Variants in PIP5K1C observed in about 807,000 individuals in gnomAD.
The protein encoded by PIP5K1C is phosphatidylinositol 4-phosphate 5-kinase type-1 gamma.
In PIP5K1C, 45 loss-of-function variants were observed where a neutral mutation model predicts 80.1. That is an observed-to-expected ratio of 0.56 (90% CI 0.44 to 0.72). The LOEUF is 0.72. PIP5K1C is among the 30% of genes least tolerant of loss of function. The pLI is 0.00. For synonymous variants in PIP5K1C, 498 were observed against 420.1 expected (o/e 1.19, Z -2.27); for missense variants, 753 against 954.6 (o/e 0.79, Z 2.78).
chr19:3,664,369 T>C (rs905716930), intron 3 of PIP5K1C, among the ~76,000 whole-genome samples: 1 of 152,054 alleles, frequency 6.6e-6, no homozygotes, highest in Admixed American at 6.6e-5. Flanking sequence ...ATGAATCACA[T>C]CTCAGTAAAA....
At chr19:3,662,070 C>CG (rs2034852262) in intron 3 of PIP5K1C, 69 bp from the exon 4 acceptor site, 3 of 1,512,878 alleles carry the variant, frequency 2.0e-6, no homozygotes, top group Middle Eastern at 2.1e-4. Flanking sequence ...CTGTGTGCAC[C>CG]GGGGGGTGGA....
intron 8 of PIP5K1C, 32 bp downstream of exon 8, chr19:3,651,793 CG>C (rs770922542): frequency 2.5e-6 from 4 of 1,594,500 alleles, no homozygotes; most frequent in Admixed American, 3.3e-5. Context: ...GGAAGGGAAG[CG>C]GGACGGGTCC....
In PIP5K1C at chr19:3,656,402, C is replaced by A. The variant is rs374079143; in HGVS notation, c.621+3G>T. The A allele has an allele frequency of 2.5e-6, 4 of 1,613,126 alleles. No individual in the cohort carries two copies. In the African/African-American group the frequency reaches 5.3e-5, roughly 22 times the overall value. On this transcript the variant is annotated splice_donor_region_variant and intron_variant, in intron 6 of 17. Coordinates refer to ENST00000335312, the MANE Select transcript of PIP5K1C (RefSeq NM_012398.3). ...CATCTGCCCCGCAGGGCGGGCCACGCACCATGTAGTAGCCAGGGAGCAGCT... is the reference window on the plus strand; with the variant it reads ...CATCTGCCCCGCAGGGCGGGCCACGAACCATGTAGTAGCCAGGGAGCAGCT...
chr19:3,632,810 G>A lies in PIP5K1C; in HGVS notation c.*357C>T, dbSNP rs528240696. ...CAGGCAGGCACAGCAGAGAACCAAA[G>A]AGTGCAGTGGGCAGGGGCTCTTCTC... On this transcript the variant is annotated 3_prime_UTR_variant, in exon 18 of 18. Coordinates refer to ENST00000335312, the MANE Select transcript of PIP5K1C (RefSeq NM_012398.3). 4.0e-4 allele frequency: 111 copies of A among 277,684 alleles called. 1 individual carries two copies. Among genetic ancestry groups the A allele is most frequent in the South Asian group, 2.3e-3 (32 of 13,696 alleles). The allele number at this position is 277,684 out of a possible 1,614,324, so 17.2% of individuals were successfully genotyped here.
chr19:3,671,364 T>G (rs994436142), intron 1 of PIP5K1C, among the ~76,000 whole-genome samples: 1 of 152,254 alleles, frequency 6.6e-6, no homozygotes, highest in African/African-American at 2.4e-5. Flanking sequence ...CCAGCTCTGC[T>G]GACCTCACCA....
Position 3,638,697 on chromosome 19 carries a change from C to A in PIP5K1C, c.1920+187G>T, listed in dbSNP as rs73532060. Among the ~76,000 whole-genome samples the A allele has an allele frequency of 0.022, 3,354 of 152,168 alleles. 124 individuals carry two copies. Among genetic ancestry groups the A allele is most frequent in the African/African-American group, 0.077 (3,181 of 41,520 alleles). On this transcript the variant is annotated intron_variant, in intron 16 of 17. Transcript: ENST00000335312. ...ACCAGGAAGAGAAGGTGGGTGTGAA[C>A]GTGGCTGGTGGGTGCGTGTGGGCGT...
chr19:3,638,481 G>A (rs1261067703), intron 16 of PIP5K1C, among the ~76,000 whole-genome samples: 1 of 152,270 alleles, frequency 6.6e-6, no homozygotes, highest in African/African-American at 2.4e-5. Context: ...CGTCTAGGCT[G>A]TCAAGGACAC....
chr19:3,688,752 AGT>A lies in PIP5K1C; in HGVS notation c.94+11543_94+11544del. Among the ~76,000 whole-genome samples the A allele has an allele frequency of 6.7e-6, 1 of 149,652 alleles. No individual in the cohort carries two copies. The highest frequency in any genetic ancestry group is 2.5e-5 in the African/African-American group (1 of 40,482). ...GCGGAAAGAGAGAGAGAGAGAGGAG[AGT>A]GGGGGGAGAACGAGAGCGAGAGACA... On this transcript the variant is annotated intron_variant, in intron 1 of 17. Transcript: ENST00000335312. The surrounding 1 kb of genome is among the most constrained non-coding windows in gnomAD (Gnocchi z 5.3).
intron 5 of PIP5K1C, 108 bp from the exon 6 acceptor site, chr19:3,656,665 T>C: frequency 8.0e-7 from 1 of 1,250,484 alleles, no homozygotes; most frequent in Non-Finnish European, 1.2e-6. Flanking sequence ...GGTCGCTGCA[T>C]TTTACAGATG....
rs2034522392 is a variant in PIP5K1C at position 3,653,508 on chromosome 19, C to T, written c.703G>A (p.Val235Ile). ...CVQSGGKNIR[V>I]VVMNNILPRV... is the part of the protein sequence containing the mutation. ...GGCAGGATGTTGTTCATGACCACGA[C>T]GCGGATGTTCTTGCCCCCCGACTGC... The change falls in exon 7 of 18, where the codon GTC (valine) becomes ATC (isoleucine). Residue 235 changes from valine to isoleucine, a missense_variant. Physicochemically the swap from Val to Ile is conservative, Grantham distance 29. This residue lies in a region of PIP5K1C where 139 missense variants were observed against 289.7 expected (regional missense o/e 0.48). Transcript: ENST00000335312. The T allele has an allele frequency of 4.3e-6, 7 of 1,613,808 alleles. No individual in the cohort carries two copies. The highest frequency in any genetic ancestry group is 1.7e-5 in the Admixed American group (1 of 60,028).
chr19:3,699,928 G>C (rs557275177), intron 1 of PIP5K1C, among the ~76,000 whole-genome samples: 1 of 152,200 alleles, frequency 6.6e-6, no homozygotes, highest in Non-Finnish European at 1.5e-5. Flanking sequence ...CTTACAGAAA[G>C]GGAGGTGACA....
At chr19:3,697,555 A>G (rs558493399) in intron 1 of PIP5K1C, among the ~76,000 whole-genome samples, 1 of 152,148 alleles carries the variant, frequency 6.6e-6, no homozygotes, top group South Asian at 2.1e-4. Flanking sequence ...GGAGAGGCAG[A>G]GGACAGGGAA....
At chr19:3,643,666 T>G (rs2034079265) in intron 12 of PIP5K1C, among the ~76,000 whole-genome samples, 1 of 148,916 alleles carries the variant, frequency 6.7e-6, no homozygotes, top group South Asian at 2.1e-4. Flanking sequence ...CACTGCTCTC[T>G]TCCCCTCCCC....
intron 1 of PIP5K1C, among the ~76,000 whole-genome samples, chr19:3,684,177 C>G (rs76469567): frequency 6.6e-6 from 1 of 152,174 alleles, no homozygotes; most frequent in Admixed American, 6.5e-5. Flanking sequence ...TAAGAAGAGC[C>G]TCCCGCTCAC....
chr19:3,679,947 G>A (rs897467186), intron 1 of PIP5K1C, among the ~76,000 whole-genome samples: 3 of 152,240 alleles, frequency 2.0e-5, no homozygotes, highest in Non-Finnish European at 4.4e-5. Context: ...GATGCTGTGG[G>A]AGACACTGCC....
chr19:3,639,248 C>T (rs1020312326), intron 15 of PIP5K1C, among the ~76,000 whole-genome samples: 1 of 152,188 alleles, frequency 6.6e-6, no homozygotes, highest in Non-Finnish European at 1.5e-5. Flanking sequence ...GACCCGCCAG[C>T]CCGCTGACAG....
intron 2 of PIP5K1C, among the ~76,000 whole-genome samples, chr19:3,665,799 G>A (rs2034987303): frequency 6.6e-6 from 1 of 152,048 alleles, no homozygotes; most frequent in Non-Finnish European, 1.5e-5. Context: ...GGCCTTGGGA[G>A]CCTGAAGGGA....
intron 3 of PIP5K1C, among the ~76,000 whole-genome samples, chr19:3,664,306 A>G (rs1235265586): frequency 6.6e-6 from 1 of 152,234 alleles, no homozygotes; most frequent in Non-Finnish European, 1.5e-5. Context: ...ACAACTCTGC[A>G]TATGTACTAA....
chr19:3,679,073 A>C (rs1334063029), intron 1 of PIP5K1C, among the ~76,000 whole-genome samples: 1 of 151,992 alleles, frequency 6.6e-6, no homozygotes, highest in African/African-American at 2.4e-5. Flanking sequence ...TCGTGGGTCT[A>C]CTGCCCAATT....
Sources: allele counts gnomAD v4.1 joint callset (sites outside exome capture counted in the v4.1 genomes callset), GRCh38; gene constraint gnomAD v4.1.1; regional missense constraint gnomAD v4.1.1; non-coding constraint Gnocchi (gnomAD v3.1); transcripts MANE v1.5; gene names NCBI Gene and HGNC (gene_info 2026-07-23, HGNC 2026-07-21).